ATP5F1A: variants seen among roughly 807,000 people sequenced by gnomAD.
ATP5F1A encodes ATP synthase F(1) complex subunit alpha, mitochondrial.
ATP5F1A carries 24 observed loss-of-function variants against 57.4 expected under a neutral mutation model. That is an observed-to-expected ratio of 0.42 (90% CI 0.30 to 0.59). ATP5F1A has a LOEUF of 0.59. Ranked by LOEUF, ATP5F1A falls within the 20% of genes least tolerant of loss-of-function variation. ATP5F1A has a pLI of 0.19. For missense variants in ATP5F1A, 494 were observed against 707.9 expected, an observed-to-expected ratio of 0.70 and a Z score of 3.43; for synonymous variants, 251 against 255.5, an observed-to-expected ratio of 0.98 and a Z score of 0.17.
chr18:46,094,108 A>G (rs77301053), intron 2 of ATP5F1A, among the ~76,000 whole-genome samples: 2 of 130,398 alleles, frequency 1.5e-5, no homozygotes, highest in African/African-American at 8.0e-5. Context: ...ACTCCATCTC[A>G]AAAAAAAAAG....
chr18:46,102,037 G>A (rs1911290147), upstream of ATP5F1A, among the ~76,000 whole-genome samples: 1 of 151,924 alleles, frequency 6.6e-6, no homozygotes, highest in Non-Finnish European at 1.5e-5. Context: ...AGCCGGGTGT[G>A]GTGGCGGGCA....
intron 6 of ATP5F1A, 90 bp from the exon 7 acceptor site, chr18:46,087,582 C>T: frequency 6.9e-7 from 1 of 1,453,460 alleles, no homozygotes; most frequent in African/African-American, 1.4e-5. Context: ...AAATATTTAC[C>T]ATTAAGAGTT....
chr18:46,086,083 C>A (rs371105595), intron 10 of ATP5F1A, 30 bp downstream of exon 10: 13 of 1,606,768 alleles, frequency 8.1e-6, no homozygotes, highest in Non-Finnish European at 1.0e-5. Flanking sequence ...ACAATAGGAA[C>A]CTGACCAAAT....
intron 10 of ATP5F1A, 159 bp from the exon 11 acceptor site, chr18:46,084,813 C>T: frequency 1.5e-6 from 1 of 684,314 alleles, no homozygotes; most frequent in Non-Finnish European, 2.2e-6. Context: ...CTTAATAATC[C>T]TTCCTCCCAC....
intron 2 of ATP5F1A, chr18:46,092,084 G>A (rs927216760): frequency 8.3e-6 from 2 of 240,786 alleles, no homozygotes; most frequent in East Asian, 1.8e-4. Context: ...GGCTGAGGCA[G>A]AAGAATCGCT....
intron 1 of ATP5F1A, 22 bp downstream of exon 1, chr18:46,098,150 C>G: frequency 7.5e-6 from 12 of 1,595,076 alleles, no homozygotes; most frequent in Non-Finnish European, 9.4e-6. Flanking sequence ...CCGCCTGCAT[C>G]ATGCCGGCCT....
chr18:46,089,419 C>G, intron 5 of ATP5F1A, 147 bp downstream of exon 5: 1 of 949,542 alleles, frequency 1.1e-6, no homozygotes. Flanking sequence ...GGGGCTGGCC[C>G]CCTTCACTTC....
At chr18:46,102,195 G>A (rs1350170112), upstream of ATP5F1A, among the ~76,000 whole-genome samples, 1 of 151,700 alleles carries the variant, frequency 6.6e-6, no homozygotes, top group Non-Finnish European at 1.5e-5. Flanking sequence ...AAAATTGCAG[G>A]GATATTTTGT....
rs372009192 is a variant in ATP5F1A, at chr18:46,086,300, G to A, written c.1285-43C>T. Reference sequence around the variant, plus strand: ...CTGTACTGTAACTCAGTGACACAGAGCACTATACAAATATAGTTAATATAT... The same window carrying A: ...CTGTACTGTAACTCAGTGACACAGAACACTATACAAATATAGTTAATATAT... On this transcript the variant is annotated intron_variant, in intron 9 of 11. Transcript: ENST00000398752. 6 of 1,611,676 alleles carry A rather than the reference G, an allele frequency of 3.7e-6. No individual in the cohort carries two copies. In the African/African-American group the frequency reaches 8.0e-5, roughly 22 times the overall value.
chr18:46,087,400 C>T lies in ATP5F1A; in HGVS notation c.892G>A (p.Glu298Lys). 6.2e-7 allele frequency: 1 copy of T among 1,614,196 alleles called. No individual in the cohort carries two copies. The highest frequency in any genetic ancestry group is 8.5e-7 in the Non-Finnish European group (1 of 1,180,036). Residue 298 changes from glutamate to lysine, a missense_variant, in exon 7 of 12, where the codon GAG becomes AAG. By Grantham distance (56) the Glu-to-Lys change is moderately conservative. This residue lies in a region of ATP5F1A where 191 missense variants were observed against 267.7 expected (regional missense o/e 0.71). Transcript: ENST00000398752. ...TGTTTGCCATTGTCTCTAAAATACTCTCCCATGGAACAGCCAGAGTAAGGA... is the reference window on the plus strand; with the variant it reads ...TGTTTGCCATTGTCTCTAAAATACTTTCCCATGGAACAGCCAGAGTAAGGA... ...LAPYSGCSMG[E>K]YFRDNGKHAL...
In ATP5F1A at chr18:46,081,688, A is replaced by AAAAAAAAAAAAAAAG. The variant is rs1909760070; in HGVS notation, c.*2593_*2594insCTTTTTTTTTTTTTT. 1 of 145,382 alleles carries AAAAAAAAAAAAAAAG rather than the reference A, an allele frequency of 6.9e-6. No homozygotes were observed. Among genetic ancestry groups the AAAAAAAAAAAAAAAG allele is most frequent in the Non-Finnish European group, 1.5e-5 (1 of 66,152 alleles). 9.0% of individuals were successfully genotyped at this position (145,382 alleles called of 1,614,324 possible). On this transcript the variant is annotated 3_prime_UTR_variant, in exon 12 of 12. Transcript: ENST00000398752. ...AAAAAAAAAACAAAAAAAAAAAAAA[A>AAAAAAAAAAAAAAAG]AAAAAAAAACGAAATGTGCAGAACC... is the stretch of plus-strand genomic sequence containing the variant.
Position 46,088,224 on chromosome 18 carries a change from G to A in ATP5F1A, c.684C>T (p.Asn228=), listed in dbSNP as rs756718307. Residue 228 remains asparagine (N), a synonymous_variant, in exon 6 of 12, where the codon AAC becomes AAT. Coordinates refer to ENST00000398752, the MANE Select transcript of ATP5F1A (RefSeq NM_004046.6). Reference sequence around the variant, plus strand: ...CAGATCCATCATTGAAACGTTTCTGGTTAATGATTGTGTCAATAGCAATTG... The same window carrying A: ...CAGATCCATCATTGAAACGTTTCTGATTAATGATTGTGTCAATAGCAATTG... ...KTSIAIDTII[N]QKRFNDGSDE... is the part of the protein sequence containing the mutation. 5.0e-6 allele frequency: 8 copies of A among 1,591,452 alleles called. No individual in the cohort carries two copies. Among genetic ancestry groups the A allele is most frequent in the Non-Finnish European group, 6.8e-6 (8 of 1,174,890 alleles).
At chr18:46,093,740 C>T (rs1910731460) in intron 2 of ATP5F1A, among the ~76,000 whole-genome samples, 1 of 152,032 alleles carries the variant, frequency 6.6e-6, no homozygotes, top group Non-Finnish European at 1.5e-5. Flanking sequence ...AGGAGAATCA[C>T]TTGAACCTGG....
At chr18:46,098,389 ACT>A (rs1299820812), upstream of ATP5F1A, 2 of 1,070,032 alleles carry the variant, frequency 1.9e-6, no homozygotes, top group East Asian at 3.1e-5. Flanking sequence ...CCCCGCCGCC[ACT>A]CTGCATTTTT....
In ATP5F1A at chr18:46,089,858, C is replaced by T. The variant is rs1295209077; in HGVS notation, c.448G>A (p.Val150Ile). ...ATAGCATTACCAAGGGCATCAACTA[C>T]ACGACCCAACAGCTCCTCACCAACT... ...VPVGEELLGR[V>I]VDALGNAIDG... The change falls in exon 4 of 12, where the codon GTA becomes ATA. Residue 150 changes from valine (V) to isoleucine (I), a missense_variant. Transcript: ENST00000398752. The T allele has an allele frequency of 6.2e-7, 1 of 1,613,142 alleles. No homozygotes were observed. The highest frequency in any genetic ancestry group is 2.2e-5 in the East Asian group (1 of 44,882).
rs548766097 is a variant in ATP5F1A, at chr18:46,096,601, G to A, written c.61-1470C>T. Reference sequence around the variant, plus strand: ...TTGACTTTAGATGTATTTTAATGGAGTTGCAGGAATTCTAAGATAAACAGC... The same window carrying A: ...TTGACTTTAGATGTATTTTAATGGAATTGCAGGAATTCTAAGATAAACAGC... On this transcript the variant is annotated intron_variant, in intron 1 of 11. Transcript: ENST00000398752. Among the ~76,000 whole-genome samples, 3 of 151,510 alleles carry A rather than the reference G, an allele frequency of 2.0e-5. No homozygotes were observed. The South Asian group carries it at 6.3e-4, about 32-fold the overall frequency.
chr18:46,101,753 A>C (rs1450557556), upstream of ATP5F1A, among the ~76,000 whole-genome samples: 2 of 151,898 alleles, frequency 1.3e-5, no homozygotes, highest in Non-Finnish European at 2.9e-5. Flanking sequence ...TTAGCTGGGC[A>C]TGGTGGCACA....
intron 2 of ATP5F1A, 86 bp downstream of exon 2, chr18:46,094,967 A>C: frequency 7.0e-7 from 1 of 1,431,102 alleles, no homozygotes; most frequent in Non-Finnish European, 9.2e-7. Flanking sequence ...CTAACAAATG[A>C]AAAACAACTC....
chr18:46,084,020 C>A lies in ATP5F1A; in HGVS notation c.*262G>T. 6.6e-6 allele frequency: 2 copies of A among 303,162 alleles called. No individual in the cohort carries two copies. Among genetic ancestry groups the A allele is most frequent in the African/African-American group, 2.2e-5 (1 of 45,574 alleles). The allele number at this position is 303,162 out of a possible 1,614,324, so 18.8% of individuals were successfully genotyped here. A position where few individuals can be genotyped will look rare whatever the true frequency, so the allele number is the denominator to read the frequency against. ...ACAAAAAAAAAACTTACAAAGAGCT[C>A]AGCCTTGAATTATCTAGCCCAGTTG... On this transcript the variant is annotated 3_prime_UTR_variant, in exon 12 of 12. Transcript: ENST00000398752.
Sources: gnomAD v4.1 joint callset for allele counts (sites outside exome capture counted in the v4.1 genomes callset) on GRCh38, gnomAD v4.1.1 for gene constraint, gnomAD v4.1.1 regional missense constraint, MANE v1.5 for transcripts, NCBI Gene and HGNC (gene_info 2026-07-23, HGNC 2026-07-21) for gene names.